TMEM178B: variants seen among roughly 807,000 people sequenced by gnomAD.
TMEM178B encodes the protein transmembrane protein 178B.
TMEM178B carries 5 observed loss-of-function variants against 31.0 expected under a neutral mutation model. The observed-to-expected ratio is 0.16, with a 90% confidence interval of 0.08 to 0.34. The LOEUF is 0.34. Ranked by LOEUF, TMEM178B falls within the 10% of genes least tolerant of loss-of-function variation. The pLI is 1.00. For synonymous variants in TMEM178B, 164 were observed against 164.0 expected (o/e 1.00, Z 0.00); for missense variants, 275 against 400.3 (o/e 0.69, Z 2.67).
chr7:141,090,623 G>A (rs1794866272), intron 1 of TMEM178B, among the ~76,000 whole-genome samples: 1 of 152,158 alleles, frequency 6.6e-6, no homozygotes, highest in Non-Finnish European at 1.5e-5. Flanking sequence ...CTTTCAAAAT[G>A]AGTGGGTCAG....
Position 141,386,449 on chromosome 7 carries a change from G to A in TMEM178B, c.497-51159G>A, listed in dbSNP as rs1485041608. On this transcript the variant is annotated intron_variant, in intron 2 of 3. Coordinates refer to ENST00000565468, the MANE Select transcript of TMEM178B (RefSeq NM_001195278.2). ...GGAGCTGCCTATTACCTTACATGAA[G>A]GTCTTGTATTCTTGGTTTTTTGTTT... Among the ~76,000 whole-genome samples, 3 of 152,096 alleles carry A rather than the reference G, an allele frequency of 2.0e-5. No homozygotes were observed. The East Asian group carries it at 5.8e-4, about 29-fold the overall frequency.
intron 2 of TMEM178B, among the ~76,000 whole-genome samples, chr7:141,287,148 A>G (rs1798459913): frequency 6.6e-6 from 1 of 152,078 alleles, no homozygotes; most frequent in Admixed American, 6.6e-5. Flanking sequence ...CTGCTTTTAT[A>G]AATTTCATAG....
chr7:141,176,018 G>A (rs1460133567), intron 1 of TMEM178B, among the ~76,000 whole-genome samples: 1 of 152,168 alleles, frequency 6.6e-6, no homozygotes. Flanking sequence ...GTGAGAGAGG[G>A]CATCCTTGTT....
chr7:141,363,011 T>C (rs559067439), intron 2 of TMEM178B, among the ~76,000 whole-genome samples: 10 of 152,346 alleles, frequency 6.6e-5, no homozygotes, highest in Admixed American at 1.3e-4. Context: ...AAGACGGGTC[T>C]GTCCTCTGGA....
At chr7:141,098,411 G>T (rs960164050) in intron 1 of TMEM178B, among the ~76,000 whole-genome samples, 1 of 152,080 alleles carries the variant, frequency 6.6e-6, no homozygotes, top group African/African-American at 2.4e-5. Flanking sequence ...AATATTTTTT[G>T]TCTTAACCCA....
chr7:141,174,269 A>C (rs547560161), intron 1 of TMEM178B, among the ~76,000 whole-genome samples: 14 of 152,280 alleles, frequency 9.2e-5, no homozygotes, highest in African/African-American at 2.9e-4. Context: ...AGCGTCATCC[A>C]TGTCCCTGCA....
intron 2 of TMEM178B, among the ~76,000 whole-genome samples, chr7:141,396,409 ACT>A (rs1435916917): frequency 4.6e-5 from 7 of 151,712 alleles, no homozygotes; most frequent in African/African-American, 1.7e-4. Flanking sequence ...CCCCATACTT[ACT>A]CTGCTGTGCC....
intron 3 of TMEM178B, among the ~76,000 whole-genome samples, chr7:141,449,871 TA>T: frequency 6.6e-6 from 1 of 152,214 alleles, no homozygotes; most frequent in East Asian, 1.9e-4. Flanking sequence ...CAGGGGCCTT[TA>T]AGGCCTAGGG....
the TMEM178B span, among the ~76,000 whole-genome samples, chr7:141,486,308 T>C: frequency 6.6e-6 from 1 of 152,154 alleles, no homozygotes; most frequent in Non-Finnish European, 1.5e-5. Flanking sequence ...ACAATGTACA[T>C]TATTCAGGTG....
At chr7:141,247,004 G>T (rs983460737) in intron 2 of TMEM178B, among the ~76,000 whole-genome samples, 1 of 152,080 alleles carries the variant, frequency 6.6e-6, no homozygotes, top group Admixed American at 6.5e-5. Flanking sequence ...GAGCACCATG[G>T]GGTCAGGGAA....
At chr7:141,149,302 A>C (rs1158683597) in intron 1 of TMEM178B, among the ~76,000 whole-genome samples, 2 of 152,172 alleles carry the variant, frequency 1.3e-5, no homozygotes, top group Non-Finnish European at 2.9e-5. Flanking sequence ...CAGGCCTGTA[A>C]TCTTAGCACT....
chr7:141,218,608 G>A (rs1797201144), intron 2 of TMEM178B, among the ~76,000 whole-genome samples: 1 of 140,714 alleles, frequency 7.1e-6, no homozygotes, highest in African/African-American at 2.6e-5. Context: ...TGGATCTTGG[G>A]GCAGGACTCT....
chr7:141,394,425 C>G (rs1347377087), intron 2 of TMEM178B, among the ~76,000 whole-genome samples: 1 of 152,206 alleles, frequency 6.6e-6, no homozygotes, highest in Non-Finnish European at 1.5e-5. Flanking sequence ...GGTTTGAAGC[C>G]CAGCTCTGCC....
chr7:141,081,858 C>T (rs1265894668), intron 1 of TMEM178B, among the ~76,000 whole-genome samples: 1 of 152,196 alleles, frequency 6.6e-6, no homozygotes, highest in African/African-American at 2.4e-5. Flanking sequence ...CCACTCACCT[C>T]TCACTCACTG....
intron 1 of TMEM178B, among the ~76,000 whole-genome samples, chr7:141,081,093 G>A (rs1347430479): frequency 6.6e-6 from 1 of 152,102 alleles, no homozygotes; most frequent in Non-Finnish European, 1.5e-5. Context: ...AGCCCCAGGT[G>A]GGTCCTTCAG....
chr7:141,172,377 G>A (rs762698390), intron 1 of TMEM178B, among the ~76,000 whole-genome samples: 5 of 152,128 alleles, frequency 3.3e-5, no homozygotes, highest in African/African-American at 7.2e-5. Context: ...GGGGAGTGTT[G>A]GGAGTATTTT....
At chr7:141,296,375 A>T (rs945858292) in intron 2 of TMEM178B, among the ~76,000 whole-genome samples, 2 of 152,200 alleles carry the variant, frequency 1.3e-5, no homozygotes, top group Admixed American at 1.3e-4. Flanking sequence ...GCCAGGAAGC[A>T]GTACTTTCCA....
At position 141,324,416 on chromosome 7, in the gene TMEM178B, G is replaced by GTTTTTT. The variant is rs56316531; in HGVS notation, c.496+111744_496+111749dup. On this transcript the variant is annotated intron_variant, in intron 2 of 3. Coordinates refer to ENST00000565468, the MANE Select transcript of TMEM178B (RefSeq NM_001195278.2). ...TGTGAGAGCAAGAGAGGAGACCAGGGTTTTTTTTTTTTTTTTTTTTTTTTT... is the reference window on the plus strand; with the variant it reads ...TGTGAGAGCAAGAGAGGAGACCAGGGTTTTTTTTTTTTTTTTTTTTTTTTTTTTTTT... 5.0e-4 allele frequency among the ~76,000 whole-genome samples: 43 copies of GTTTTTT among 85,768 alleles called. 4 individuals are homozygous for GTTTTTT. Among genetic ancestry groups the GTTTTTT allele is most frequent in the Admixed American group, 6.1e-4 (4 of 6,526 alleles). The allele number at this position is 85,768 out of a possible 152,430, so 56.3% of individuals were successfully genotyped here. A position where few individuals can be genotyped will look rare whatever the true frequency, so the allele number is the denominator to read the frequency against.
intron 2 of TMEM178B, among the ~76,000 whole-genome samples, chr7:141,276,701 A>G (rs1400673664): frequency 1.3e-5 from 2 of 152,002 alleles, no homozygotes; most frequent in Non-Finnish European, 2.9e-5. Context: ...ACACAGCCAA[A>G]CCATATCAGT....
Sources: allele counts gnomAD v4.1 joint callset (sites outside exome capture counted in the v4.1 genomes callset), GRCh38; gene constraint gnomAD v4.1.1; transcripts MANE v1.5; gene names NCBI Gene and HGNC (gene_info 2026-07-23, HGNC 2026-07-21).